Variants in PDE1A observed in about 807,000 individuals in gnomAD.
PDE1A encodes the protein phosphodiesterase 1A.
PDE1A carries 35 observed loss-of-function variants against 61.7 expected under a neutral mutation model. The ratio of observed to expected loss-of-function variants is 0.57; its 90% CI spans 0.43 to 0.75. The LOEUF (loss-of-function observed/expected upper bound fraction) is 0.75. Ranked by LOEUF, PDE1A falls within the 30% of genes least tolerant of loss-of-function variation. The pLI, the probability that PDE1A is intolerant of heterozygous loss-of-function variation, is 0.00. For synonymous variants in PDE1A, 232 were observed against 213.2 expected, an observed-to-expected ratio of 1.09 and a Z score of -0.77; for missense variants, 597 against 630.6, an observed-to-expected ratio of 0.95 and a Z score of 0.57.
chr2:182,227,705 G>C (rs554983918), intron 6 of PDE1A, among the ~76,000 whole-genome samples: 1 of 152,180 alleles, frequency 6.6e-6, no homozygotes, highest in East Asian at 1.9e-4. Context: ...TAGAGCTAGT[G>C]AATTAGAAAG....
chr2:182,317,401 G>A (rs1696406244), intron 1 of PDE1A, among the ~76,000 whole-genome samples: 1 of 151,928 alleles, frequency 6.6e-6, no homozygotes, highest in South Asian at 2.1e-4. Context: ...AATATATGTT[G>A]AACACCTACT....
chr2:182,349,404 CA>C (rs1175671840), intron 1 of PDE1A, among the ~76,000 whole-genome samples: 1 of 152,110 alleles, frequency 6.6e-6, no homozygotes, highest in Non-Finnish European at 1.5e-5. Flanking sequence ...ACTACAACAA[CA>C]AATTGAATGG....
the PDE1A span, among the ~76,000 whole-genome samples, chr2:182,558,491 A>G: frequency 9.8e-5 from 15 of 152,346 alleles, no homozygotes; most frequent in South Asian, 2.1e-4. Flanking sequence ...TTTTACTTCT[A>G]GCATAATATG....
chr2:182,336,397 AG>A (rs1310600004), intron 1 of PDE1A, among the ~76,000 whole-genome samples: 1 of 152,220 alleles, frequency 6.6e-6, no homozygotes, highest in Non-Finnish European at 1.5e-5. Context: ...GACTGGATAA[AG>A]AAAATGTGGC....
chr2:182,584,279 A>C, the PDE1A span, among the ~76,000 whole-genome samples: 2 of 151,534 alleles, frequency 1.3e-5, no homozygotes, highest in Non-Finnish European at 2.9e-5. Flanking sequence ...GAGAGACTTC[A>C]ATTTGAATTC....
In PDE1A at chr2:182,458,526, A is replaced by AT. The variant is rs564893990; in HGVS notation, c.101+63749dup. The stretch of plus-strand genomic sequence containing the variant: ...AGGGGGATATAGAGTGACCAGAGTG[A>AT]TATTTTATAGCTGGTGTTAATTAAA... On this transcript the variant is annotated intron_variant, in intron 2 of 14. Coordinates refer to the PDE1A transcript ENST00000410103. Among the ~76,000 whole-genome samples, 499 of 152,202 alleles carry AT rather than the reference A, an allele frequency of 3.3e-3. 5 individuals carry two copies. The highest frequency in any genetic ancestry group is 0.012 in the African/African-American group (479 of 41,560).
chr2:182,329,514 C>G (rs555428368), intron 1 of PDE1A, among the ~76,000 whole-genome samples: 115 of 152,124 alleles, frequency 7.6e-4, no homozygotes, highest in Non-Finnish European at 1.2e-3. Flanking sequence ...CTCAGCCTCC[C>G]GAGTAGCTGG....
the PDE1A span, among the ~76,000 whole-genome samples, chr2:182,565,191 CT>C: frequency 3.3e-5 from 5 of 152,136 alleles, no homozygotes; most frequent in Non-Finnish European, 7.4e-5. Context: ...GTTTTATCTA[CT>C]TTTGGTCTTT....
At chr2:182,685,685 C>A in the PDE1A span, among the ~76,000 whole-genome samples, 1 of 152,162 alleles carries the variant, frequency 6.6e-6, no homozygotes, top group Non-Finnish European at 1.5e-5. Flanking sequence ...GTGTGCCCTT[C>A]CCTTTCTTGC....
intron 1 of PDE1A, among the ~76,000 whole-genome samples, chr2:182,323,048 ACT>A (rs1696803153): frequency 6.6e-6 from 1 of 152,136 alleles, no homozygotes; most frequent in African/African-American, 2.4e-5. Flanking sequence ...ATCTTGTAAG[ACT>A]CATAAAAAGT....
In PDE1A at chr2:182,453,979, T is replaced by A. The variant is rs536336739; in HGVS notation, c.101+68297A>T. ...ATTAGGAAAAGAGGAAGTCAAATTGTCCCTGTTTGCAGATGACATGACTGT... is the reference window on the plus strand; with the variant it reads ...ATTAGGAAAAGAGGAAGTCAAATTGACCCTGTTTGCAGATGACATGACTGT... On this transcript the variant is annotated intron_variant, in intron 2 of 14. Transcript: ENST00000410103. Among the ~76,000 whole-genome samples the A allele has an allele frequency of 1.1e-4, 16 of 152,044 alleles. No individual in the cohort carries two copies. The East Asian group carries it at 2.9e-3, about 28-fold the overall frequency.
At chr2:182,272,734 G>A (rs1364735566) in intron 1 of PDE1A, among the ~76,000 whole-genome samples, 1 of 152,092 alleles carries the variant, frequency 6.6e-6, no homozygotes, top group Non-Finnish European at 1.5e-5. Context: ...ATGACCAATG[G>A]AACTGATAGA....
chr2:182,151,057 A>C (rs1316059158), intron 13 of PDE1A, among the ~76,000 whole-genome samples: 1 of 152,092 alleles, frequency 6.6e-6, no homozygotes, highest in African/African-American at 2.4e-5. Flanking sequence ...TGCTTCACTC[A>C]CCTCACTTCC....
At chr2:182,207,361 C>CA (rs1367113960) in intron 7 of PDE1A, among the ~76,000 whole-genome samples, 1 of 152,124 alleles carries the variant, frequency 6.6e-6, no homozygotes, top group Non-Finnish European at 1.5e-5. Flanking sequence ...TATGCTTTAG[C>CA]AAAAAGACTG....
At chr2:182,349,485 C>T (rs183654495) in intron 1 of PDE1A, among the ~76,000 whole-genome samples, 1 of 152,222 alleles carries the variant, frequency 6.6e-6, no homozygotes, top group East Asian at 1.9e-4. Flanking sequence ...GGTCAGAGAC[C>T]AAATTGGTGG....
intron 13 of PDE1A, among the ~76,000 whole-genome samples, chr2:182,170,283 C>T (rs1692072732): frequency 6.6e-6 from 1 of 151,996 alleles, no homozygotes; most frequent in South Asian, 2.1e-4. Context: ...GTAGAGTTAG[C>T]TGTAATTTTT....
At chr2:182,338,263 A>G (rs1430949753) in intron 1 of PDE1A, among the ~76,000 whole-genome samples, 1 of 152,196 alleles carries the variant, frequency 6.6e-6, no homozygotes, top group African/African-American at 2.4e-5. Flanking sequence ...TACATAAGCC[A>G]TCTTTGGGTC....
intron 1 of PDE1A, among the ~76,000 whole-genome samples, chr2:182,319,211 C>T (rs532036278): frequency 6.6e-6 from 1 of 152,228 alleles, no homozygotes; most frequent in African/African-American, 2.4e-5. Flanking sequence ...CAGAATTATA[C>T]AGAGTTAGGA....
intron 1 of PDE1A, among the ~76,000 whole-genome samples, chr2:182,352,936 T>C (rs1377222877): frequency 1.3e-5 from 2 of 152,212 alleles, no homozygotes; most frequent in Non-Finnish European, 1.5e-5. Flanking sequence ...ATCTCAAATA[T>C]GTGAGACATA....
Sources: allele counts gnomAD v4.1 joint callset (sites outside exome capture counted in the v4.1 genomes callset), GRCh38; gene constraint gnomAD v4.1.1; transcripts MANE v1.5; gene names NCBI Gene and HGNC (gene_info 2026-07-23, HGNC 2026-07-21).